PRKD1: variants seen among roughly 807,000 people sequenced by gnomAD.
PRKD1 encodes the protein protein kinase D1.
PRKD1 carries 63 observed loss-of-function variants against 95.9 expected under a neutral mutation model. The ratio of observed to expected loss-of-function variants is 0.66; its 90% confidence interval spans 0.54 to 0.81. PRKD1 has a LOEUF of 0.81. PRKD1 is among the 30% of genes least tolerant of loss of function. The probability of loss-of-function intolerance (pLI) is 0.00; values close to 1 mark genes in which losing one functional copy is unlikely to be tolerated. For missense variants in PRKD1, 1,048 were observed against 1,165.3 expected, an observed-to-expected ratio of 0.90 and a Z score of 1.47; for synonymous variants, 425 against 423.1, an observed-to-expected ratio of 1.00 and a Z score of -0.05.
chr14:29,663,729 G>C lies in PRKD1; in HGVS notation c.666C>G (p.Leu222=), dbSNP rs1882321279. The part of the protein sequence containing the change: ...VSTIRTSSAE[L]STSAPDEPLL... ...GGGGCTCATCAGGGGCACTTGTAGA[G>C]AGTTCAGCAGATGATGTGCGGATGG... The change falls in exon 4 of 18, where the codon CTC becomes CTG. Residue 222 remains leucine, a synonymous_variant. Transcript: ENST00000331968. The C allele has an allele frequency of 1.2e-6, 2 of 1,613,930 alleles. No individual in the cohort carries two copies. The highest frequency in any genetic ancestry group is 8.5e-7 in the Non-Finnish European group (1 of 1,179,964).
At chr14:29,819,473 G>A (rs1030047031) in intron 1 of PRKD1, among the ~76,000 whole-genome samples, 3 of 152,000 alleles carry the variant, frequency 2.0e-5, no homozygotes, top group South Asian at 4.1e-4. Context: ...GGCGGATCAC[G>A]AGGTCAGGAG....
chr14:29,890,796 A>G (rs905273913), intron 1 of PRKD1, among the ~76,000 whole-genome samples: 42 of 152,322 alleles, frequency 2.8e-4, no homozygotes, highest in African/African-American at 8.9e-4. Context: ...GCCATTTGAC[A>G]CTGCATACCC....
At chr14:29,876,634 CA>C (rs540460669) in intron 1 of PRKD1, among the ~76,000 whole-genome samples, 46 of 128,330 alleles carry the variant, frequency 3.6e-4, no homozygotes, top group Admixed American at 1.0e-3. Flanking sequence ...AATGGGCTTG[CA>C]AAAAAAAAAG....
rs780417596 is a variant in PRKD1 at position 29,636,376 on chromosome 14, T to C, written c.1104A>G (p.Ala368=). ...TCTGGCACTCTGCCATTGCCATCTC[T>C]GCATCTTGGACCATTGCTTCTTCCA... is the stretch of plus-strand genomic sequence containing the variant. The part of the protein sequence containing the change: ...DDMEEAMVQD[A]EMAMAECQND... Residue 368 remains alanine, a synonymous_variant, in exon 7 of 18, where the codon GCA becomes GCG. Transcript: ENST00000331968. The C allele has an allele frequency of 3.7e-6, 6 of 1,613,960 alleles. No homozygotes were observed. Among genetic ancestry groups the C allele is most frequent in the Non-Finnish European group, 5.1e-6 (6 of 1,180,040 alleles).
Position 29,639,007 on chromosome 14 carries a change from G to C in PRKD1, c.697-103C>G, listed in dbSNP as rs45628837. 9.4e-3 allele frequency: 7,785 copies of C among 832,364 alleles called. 56 individuals carry two copies. The highest frequency in any genetic ancestry group is 0.012 in the Non-Finnish European group (6,689 of 545,080). 51.6% of individuals were successfully genotyped at this position (832,364 alleles called of 1,614,324 possible). A position where few individuals can be genotyped will look rare whatever the true frequency, so the allele number is the denominator to read the frequency against. The stretch of plus-strand genomic sequence containing the variant: ...GGTTTACTCTTGTATTTAGTACTTT[G>C]ATGTTTAATAATATGAAATCATACT... On this transcript the variant is annotated intron_variant, in intron 4 of 17. Transcript: ENST00000331968.
chr14:29,619,776 A>G (rs1879121767), intron 13 of PRKD1, among the ~76,000 whole-genome samples: 1 of 152,168 alleles, frequency 6.6e-6, no homozygotes, highest in African/African-American at 2.4e-5. Flanking sequence ...CTGTCTCAGG[A>G]TACTGAATTA....
chr14:29,681,695 G>C (rs1284806291), intron 2 of PRKD1, among the ~76,000 whole-genome samples: 1 of 152,172 alleles, frequency 6.6e-6, no homozygotes, highest in Non-Finnish European at 1.5e-5. Flanking sequence ...AGGGCACTTA[G>C]ATATGTTAAG....
chr14:29,802,092 G>A (rs1285668642), intron 1 of PRKD1, among the ~76,000 whole-genome samples: 2 of 151,998 alleles, frequency 1.3e-5, no homozygotes, highest in African/African-American at 4.8e-5. Context: ...AGGAGCGAAG[G>A]AAGAAAGGAA....
chr14:29,852,497 A>G (rs1475843297), intron 1 of PRKD1, among the ~76,000 whole-genome samples: 1 of 151,960 alleles, frequency 6.6e-6, no homozygotes, highest in Non-Finnish European at 1.5e-5. Flanking sequence ...AACACCATCA[A>G]GTGAACTAAC....
At chr14:29,639,884 A>G (rs1253045741) in intron 4 of PRKD1, among the ~76,000 whole-genome samples, 1 of 152,134 alleles carries the variant, frequency 6.6e-6, no homozygotes, top group African/African-American at 2.4e-5. Context: ...CCCAGTATAT[A>G]GATTTTTAAA....
At chr14:29,604,751 A>G (rs1893642839) in intron 13 of PRKD1, among the ~76,000 whole-genome samples, 1 of 152,200 alleles carries the variant, frequency 6.6e-6, no homozygotes, top group Non-Finnish European at 1.5e-5. Flanking sequence ...TACCTGATAG[A>G]GAATAAAAAG....
At chr14:29,795,481 T>C (rs1259895480) in intron 1 of PRKD1, among the ~76,000 whole-genome samples, 1 of 152,098 alleles carries the variant, frequency 6.6e-6, no homozygotes, top group Non-Finnish European at 1.5e-5. Context: ...AAACACTATT[T>C]AACATTTATG....
intron 1 of PRKD1, among the ~76,000 whole-genome samples, chr14:29,909,090 G>A (rs894154657): frequency 3.3e-5 from 5 of 152,196 alleles, no homozygotes; most frequent in African/African-American, 1.2e-4. Context: ...CACACTCAGA[G>A]TGGCTGGCCG....
intron 2 of PRKD1, among the ~76,000 whole-genome samples, chr14:29,678,684 C>A (rs7158984): frequency 0.52 from 79,175 of 151,990 alleles, 23,237 homozygotes; most frequent in African/African-American, 0.8. Flanking sequence ...ATTCCAATAA[C>A]TTTTCACAAT....
chr14:29,632,720 T>C (rs1880093629), intron 9 of PRKD1, 149 bp downstream of exon 9: 1 of 615,914 alleles, frequency 1.6e-6, no homozygotes, highest in Non-Finnish European at 2.7e-6. Context: ...AAGAAATTTG[T>C]AGACTATAGA....
chr14:29,622,104 C>T (rs1304988288), intron 13 of PRKD1, among the ~76,000 whole-genome samples: 1 of 152,094 alleles, frequency 6.6e-6, no homozygotes, highest in African/African-American at 2.4e-5. Flanking sequence ...GCATTTAATT[C>T]TCATAAGGAG....
chr14:29,900,509 T>G (rs1210621844), intron 1 of PRKD1, among the ~76,000 whole-genome samples: 1 of 152,192 alleles, frequency 6.6e-6, no homozygotes, highest in Non-Finnish European at 1.5e-5. Context: ...ACTAAAAAGC[T>G]TCTGCAGAGT....
chr14:29,594,570 G>A (rs905631248), intron 16 of PRKD1, among the ~76,000 whole-genome samples: 3 of 152,086 alleles, frequency 2.0e-5, no homozygotes, highest in Admixed American at 6.6e-5. Flanking sequence ...ATGACTCCTC[G>A]GAATGGCAGA....
intron 4 of PRKD1, among the ~76,000 whole-genome samples, chr14:29,645,748 T>C (rs1461460126): frequency 1.3e-5 from 2 of 152,100 alleles, no homozygotes; most frequent in Admixed American, 6.5e-5. Context: ...TTGACCTTTA[T>C]ATTTACTCTT....
Sources: gnomAD v4.1 joint callset for allele counts (sites outside exome capture counted in the v4.1 genomes callset) on GRCh38, gnomAD v4.1.1 for gene constraint, MANE v1.5 for transcripts, NCBI Gene and HGNC (gene_info 2026-07-23, HGNC 2026-07-21) for gene names.